The following C14orf132 variants were observed in gnomAD, a reference collection of about 807,000 sequenced individuals.
C14orf132 encodes uncharacterized protein C14orf132.
In C14orf132, 6 loss-of-function variants were observed where a neutral mutation model predicts 5.8. The ratio of observed to expected loss-of-function variants is 1.03; its 90% CI spans 0.57 to 2.04. The LOEUF is 2.04. C14orf132 is among the 30% of genes most tolerant of loss of function. The pLI is 0.00. For missense variants in C14orf132, 125 were observed against 115.8 expected (o/e 1.08, Z -0.37); for synonymous variants, 51 against 49.8 (o/e 1.02, Z -0.10).
chr14:96,069,193 ATG>A (rs200117534), intron 1 of C14orf132, among the ~76,000 whole-genome samples: 15 of 140,372 alleles, frequency 1.1e-4, no homozygotes, highest in African/African-American at 3.4e-4. Flanking sequence ...ATATATATAT[ATG>A]TATATATGTT....
chr14:96,084,710 C>G (rs1258455004), intron 1 of C14orf132, among the ~76,000 whole-genome samples: 1 of 152,302 alleles, frequency 6.6e-6, no homozygotes, highest in East Asian at 1.9e-4. Context: ...CTGCAGCCCC[C>G]ACTCAGAAAT....
intron 1 of C14orf132, chr14:96,051,332 G>A (rs1887019777): frequency 2.5e-6 from 1 of 397,336 alleles, no homozygotes; most frequent in Non-Finnish European, 4.4e-6. Flanking sequence ...AGCAGAGATG[G>A]GTTCTTTAGG....
At chr14:96,040,548 T>C (rs1886663717) in intron 1 of C14orf132, among the ~76,000 whole-genome samples, 1 of 152,132 alleles carries the variant, frequency 6.6e-6, no homozygotes, top group Admixed American at 6.5e-5. Flanking sequence ...GACACTTGCT[T>C]TTTCCCCAAG....
rs1286505712 is a variant in C14orf132 at position 96,090,818 on chromosome 14, C to G, written c.*4083C>G. Reference sequence around the variant, plus strand: ...CACTCTGGCGTCTCCTGAAGTGGGTCCCTGGAGACCGAAGAGGCTCAGTGG... The same window carrying G: ...CACTCTGGCGTCTCCTGAAGTGGGTGCCTGGAGACCGAAGAGGCTCAGTGG... On this transcript the variant is annotated 3_prime_UTR_variant, in exon 2 of 2. Coordinates refer to ENST00000555004, the MANE Select transcript of C14orf132 (RefSeq NM_001252507.3). 2.2e-6 allele frequency: 1 copy of G among 456,064 alleles called. No homozygotes were observed. The highest frequency in any genetic ancestry group is 6.9e-5 in the East Asian group (1 of 14,394). 28.3% of individuals were successfully genotyped at this position (456,064 alleles called of 1,614,324 possible).
rs535580254 is a variant in C14orf132 at position 96,039,546 on chromosome 14, C to G, written c.27+19C>G. 3 of 1,499,688 alleles carry G rather than the reference C, an allele frequency of 2.0e-6. No individual in the cohort carries two copies. The highest frequency in any genetic ancestry group is 2.7e-5 in the East Asian group (1 of 37,150). 92.9% of individuals were successfully genotyped at this position (1,499,688 alleles called of 1,614,324 possible). On this transcript the variant is annotated intron_variant, in intron 1 of 1. Transcript: ENST00000555004. This position sits in a 1 kb window ranked among gnomAD's most constrained non-coding sequence, Gnocchi z 5.3. ...CGCGCAGGTAACGGGGCGTCCCCCC[C>G]ACGCGCCCCGGGCCGCCAAGTTTGG...
chr14:96,055,886 G>T (rs1262672816), intron 1 of C14orf132, among the ~76,000 whole-genome samples: 1 of 152,146 alleles, frequency 6.6e-6, no homozygotes, highest in East Asian at 1.9e-4. Context: ...GAATCACCTG[G>T]GTAGCTGGTG....
intron 1 of C14orf132, among the ~76,000 whole-genome samples, chr14:96,044,518 T>C (rs558763289): frequency 9.9e-4 from 151 of 152,340 alleles, no homozygotes; most frequent in African/African-American, 3.5e-3. Flanking sequence ...CAATCTCTAT[T>C]AGTTTCCTAA....
intron 1 of C14orf132, among the ~76,000 whole-genome samples, chr14:96,065,562 A>C (rs1595179749): frequency 6.7e-6 from 1 of 150,164 alleles, no homozygotes; most frequent in Non-Finnish European, 1.5e-5. Context: ...AGCCTTCATC[A>C]CCCCCCACCA....
At chr14:96,064,732 G>A (rs1455050936) in intron 1 of C14orf132, among the ~76,000 whole-genome samples, 1 of 151,726 alleles carries the variant, frequency 6.6e-6, no homozygotes, top group Non-Finnish European at 1.5e-5. Context: ...CTACTGCTCG[G>A]GTGATGAGTG....
chr14:96,073,023 AAACATATGTTTAACTTTGTAAG>A (rs1887756539), intron 1 of C14orf132, among the ~76,000 whole-genome samples: 1 of 152,214 alleles, frequency 6.6e-6, no homozygotes, highest in African/African-American at 2.4e-5. Flanking sequence ...GTCATATGAT[AAACATATGTTTAACTTTGTAAG>A]AACTGGCTAA....
intron 1 of C14orf132, among the ~76,000 whole-genome samples, chr14:96,075,322 G>C (rs142139284): frequency 6.6e-6 from 1 of 152,094 alleles, no homozygotes; most frequent in Non-Finnish European, 1.5e-5. Context: ...GAGATTTTCT[G>C]TATAGACAAT....
intron 1 of C14orf132, among the ~76,000 whole-genome samples, chr14:96,078,999 C>T (rs75959349): frequency 0.22 from 33,440 of 152,200 alleles, 4,020 homozygotes; most frequent in Non-Finnish European, 0.27. Flanking sequence ...CTTCCATTTC[C>T]TTTCTTACGT....
In C14orf132 at chr14:96,039,450, C is replaced by CGCAGCG. The variant is rs1029338568; in HGVS notation, c.-39_-34dup. 5.4e-6 allele frequency: 8 copies of CGCAGCG among 1,476,884 alleles called. No individual in the cohort carries two copies. The African/African-American group carries it at 8.7e-5, about 16-fold the overall frequency. The allele number at this position is 1,476,884 out of a possible 1,614,324, so 91.5% of individuals were successfully genotyped here. On this transcript the variant is annotated 5_prime_UTR_variant, in exon 1 of 2. Transcript: ENST00000555004. The surrounding 1 kb of genome is among the most constrained non-coding windows in gnomAD (Gnocchi z 5.3). ...CCGCCAACTGTGCAGGCGGCTGACC[C>CGCAGCG]GCAGCGGCAGCGGCAGCAGCGAGGA...
intron 1 of C14orf132, among the ~76,000 whole-genome samples, chr14:96,073,679 T>C (rs909686309): frequency 3.3e-5 from 5 of 152,234 alleles, no homozygotes; most frequent in African/African-American, 1.2e-4. Flanking sequence ...AATCCCATTA[T>C]TGGGGCTATA....
chr14:96,066,547 G>T (rs1196742738), intron 1 of C14orf132, among the ~76,000 whole-genome samples: 1 of 152,046 alleles, frequency 6.6e-6, no homozygotes, highest in Non-Finnish European at 1.5e-5. Flanking sequence ...ACATCAAGTA[G>T]CTCAGTGCAC....
At chr14:96,055,321 T>C (rs1157391993) in intron 1 of C14orf132, among the ~76,000 whole-genome samples, 2 of 152,152 alleles carry the variant, frequency 1.3e-5, no homozygotes, top group Non-Finnish European at 2.9e-5. Flanking sequence ...GCCCAGCCTT[T>C]GCCTCAGAGT....
chr14:96,087,472 G>C lies in C14orf132; in HGVS notation c.*737G>C, dbSNP rs951881475. The C allele has an allele frequency of 3.3e-5, 5 of 152,116 alleles. No individual in the cohort carries two copies. The highest frequency in any genetic ancestry group is 1.2e-4 in the African/African-American group (5 of 41,402). 9.4% of individuals were successfully genotyped at this position (152,116 alleles called of 1,614,324 possible). On this transcript the variant is annotated 3_prime_UTR_variant, in exon 2 of 2. Transcript: ENST00000555004. ...TGGACTCTTCAGGCCACCCACGTGA[G>C]AATGCTGTTTCTTCTCTGAGGAATC...
chr14:96,043,632 T>TTCCTTGCATTCCCC lies in C14orf132; in HGVS notation c.27+4106_27+4119dup, dbSNP rs1427003566. 2.0e-5 allele frequency among the ~76,000 whole-genome samples: 3 copies of TTCCTTGCATTCCCC among 152,178 alleles called. No individual in the cohort carries two copies. The East Asian group carries it at 5.8e-4, about 29-fold the overall frequency. On this transcript the variant is annotated intron_variant, in intron 1 of 1. Coordinates refer to ENST00000555004, the MANE Select transcript of C14orf132 (RefSeq NM_001252507.3). ...GGGGTGGGAGCCAGGCACCAGCACT[T>TTCCTTGCATTCCCC]TCCTTGCATTCCCCAGCTGATCCCA...
chr14:96,070,352 C>A (rs1887666606), intron 1 of C14orf132, among the ~76,000 whole-genome samples: 1 of 152,124 alleles, frequency 6.6e-6, no homozygotes, highest in Non-Finnish European at 1.5e-5. Flanking sequence ...TGGAGCTGAC[C>A]TCAGCCCAGC....
Sources: allele counts gnomAD v4.1 joint callset (sites outside exome capture counted in the v4.1 genomes callset), GRCh38; gene constraint gnomAD v4.1.1; non-coding constraint Gnocchi (gnomAD v3.1); transcripts MANE v1.5; gene names NCBI Gene and HGNC (gene_info 2026-07-23, HGNC 2026-07-21).